The following KIAA1958 variants were observed in gnomAD, a reference collection of about 807,000 sequenced individuals.
The protein encoded by KIAA1958 is uncharacterized protein KIAA1958.
Under a neutral mutation model 47.2 loss-of-function variants are expected in KIAA1958, and 14 were observed. That is an observed-to-expected ratio of 0.30 (90% confidence interval 0.20 to 0.46). The LOEUF (loss-of-function observed/expected upper bound fraction) is 0.46, where lower values mean the gene tolerates loss of function less well. Among genes scored for constraint, KIAA1958 ranks in the 20% least tolerant of loss-of-function variants. KIAA1958 has a pLI of 1.00. For missense variants in KIAA1958, 803 were observed against 909.2 expected, an observed-to-expected ratio of 0.88 and a Z score of 1.50; for synonymous variants, 354 against 353.3, an observed-to-expected ratio of 1.00 and a Z score of -0.02.
chr9:112,574,002 G>A (rs1224851888), intron 1 of KIAA1958, 55 bp from the exon 2 acceptor site: 32 of 910,448 alleles, frequency 3.5e-5, no homozygotes, highest in African/African-American at 1.7e-5. Flanking sequence ...AAGTAATTGA[G>A]CTATAGGATT....
chr9:112,555,737 A>G (rs1030144394), intron 1 of KIAA1958, among the ~76,000 whole-genome samples: 8 of 152,202 alleles, frequency 5.3e-5, no homozygotes, highest in South Asian at 2.1e-4. Flanking sequence ...GCACTAATCT[A>G]TTCATAAGAG....
At chr9:112,516,816 A>G (rs1206714320) in intron 1 of KIAA1958, among the ~76,000 whole-genome samples, 6 of 152,242 alleles carry the variant, frequency 3.9e-5, no homozygotes, top group Admixed American at 3.9e-4. Flanking sequence ...ATGATTTACC[A>G]ATTGGGCAGT....
intron 1 of KIAA1958, among the ~76,000 whole-genome samples, chr9:112,537,170 A>G (rs998517441): frequency 1.3e-4 from 20 of 151,434 alleles, no homozygotes; most frequent in South Asian, 4.2e-4. Context: ...CAGTGGTGCA[A>G]TCTTGGCTCC....
chr9:112,618,528 A>G lies in KIAA1958; in HGVS notation c.1172-27122A>G, dbSNP rs2131217050. ...GACTCCCGTGTGTATGCCACCCAGC[A>G]CGCCCCACAGACCTGCCCTGTCCAG... is the stretch of plus-strand genomic sequence containing the variant. On this transcript the variant is annotated intron_variant, in intron 2 of 3. Transcript: ENST00000337530. This position sits in a 1 kb window ranked among gnomAD's most constrained non-coding sequence, Gnocchi z 7.1. 6.4e-7 allele frequency: 1 copy of G among 1,550,674 alleles called. No homozygotes were observed. The highest frequency in any genetic ancestry group is 2.4e-5 in the East Asian group (1 of 40,918).
At chr9:112,614,190 T>C (rs1836373803) in intron 2 of KIAA1958, among the ~76,000 whole-genome samples, 1 of 152,150 alleles carries the variant, frequency 6.6e-6, no homozygotes, top group Non-Finnish European at 1.5e-5. Context: ...TCCATTCATA[T>C]GTGTTACAAT....
intron 1 of KIAA1958, among the ~76,000 whole-genome samples, chr9:112,498,258 A>G (rs750224390): frequency 6.6e-6 from 1 of 152,182 alleles, no homozygotes; most frequent in African/African-American, 2.4e-5. Flanking sequence ...TTTAGTGAAG[A>G]TGTTCTTTAA....
At chr9:112,548,870 A>T (rs1289430153) in intron 1 of KIAA1958, among the ~76,000 whole-genome samples, 1 of 152,212 alleles carries the variant, frequency 6.6e-6, no homozygotes, top group Non-Finnish European at 1.5e-5. Flanking sequence ...CGGTGTCCTT[A>T]TAAGAAGTAG....
At chr9:112,534,768 T>C (rs1834821987) in intron 1 of KIAA1958, among the ~76,000 whole-genome samples, 1 of 152,136 alleles carries the variant, frequency 6.6e-6, no homozygotes, top group Non-Finnish European at 1.5e-5. Context: ...GGTCTCAAAC[T>C]CCTGACCTCA....
intron 2 of KIAA1958, among the ~76,000 whole-genome samples, chr9:112,579,933 G>A (rs1434541926): frequency 1.3e-5 from 2 of 152,204 alleles, no homozygotes; most frequent in Non-Finnish European, 2.9e-5. Context: ...GGCTCAGACA[G>A]CATCAAGTTT....
chr9:112,554,730 T>C (rs1466459336), intron 1 of KIAA1958, among the ~76,000 whole-genome samples: 1 of 152,160 alleles, frequency 6.6e-6, no homozygotes, highest in Non-Finnish European at 1.5e-5. Context: ...CTGTATTTTC[T>C]AACAAGAATC....
At chr9:112,624,174 C>A (rs1397284881) in intron 2 of KIAA1958, among the ~76,000 whole-genome samples, 1 of 152,112 alleles carries the variant, frequency 6.6e-6, no homozygotes, top group East Asian at 1.9e-4. Flanking sequence ...GTTACAAGTA[C>A]TGAAAGAATT....
At chr9:112,644,780 T>G (rs1259219053) in intron 2 of KIAA1958, among the ~76,000 whole-genome samples, 1 of 152,096 alleles carries the variant, frequency 6.6e-6, no homozygotes, top group Non-Finnish European at 1.5e-5. Context: ...GTTGATGGGT[T>G]GTGGAATCAG....
rs1240016270 is a variant in KIAA1958 at position 112,666,471 on chromosome 9, C to T, written c.*6402C>T. The T allele has an allele frequency of 2.6e-5, 4 of 152,122 alleles. No homozygotes were observed. Among genetic ancestry groups the T allele is most frequent in the Non-Finnish European group, 4.4e-5 (3 of 68,020 alleles). The allele number at this position is 152,122 out of a possible 1,614,324, so 9.4% of individuals were successfully genotyped here. On this transcript the variant is annotated 3_prime_UTR_variant, in exon 4 of 4. Coordinates refer to ENST00000337530, the MANE Select transcript of KIAA1958 (RefSeq NM_133465.4). Reference sequence around the variant, plus strand: ...CTAGAGAGTTAGTCCAGAACTCTCTCCTCCATATCACAGCTGAGAAGATTT... The same window carrying T: ...CTAGAGAGTTAGTCCAGAACTCTCTTCTCCATATCACAGCTGAGAAGATTT...
chr9:112,548,831 T>G (rs994298619), intron 1 of KIAA1958, among the ~76,000 whole-genome samples: 4 of 152,190 alleles, frequency 2.6e-5, no homozygotes, highest in Non-Finnish European at 4.4e-5. Flanking sequence ...TAAAATGAGG[T>G]CTTTAGGCTG....
At chr9:112,610,085 C>T (rs1836298642) in intron 2 of KIAA1958, among the ~76,000 whole-genome samples, 1 of 152,038 alleles carries the variant, frequency 6.6e-6, no homozygotes, top group African/African-American at 2.4e-5. Flanking sequence ...AATGAACCTA[C>T]CTCCTGGAAA....
intron 1 of KIAA1958, among the ~76,000 whole-genome samples, chr9:112,568,899 A>T (rs867988799): frequency 0.025 from 3,705 of 146,966 alleles, 77 homozygotes; most frequent in Middle Eastern, 0.035. Context: ...AAAAAAAAAA[A>T]AAAAAAATAG....
At chr9:112,512,962 T>C (rs935764861) in intron 1 of KIAA1958, among the ~76,000 whole-genome samples, 6 of 150,332 alleles carry the variant, frequency 4.0e-5, no homozygotes, top group African/African-American at 1.5e-4. Context: ...CTCAGCCTCC[T>C]GAGTAGCTGG....
At chr9:112,494,278 A>G (rs1049416004) in intron 1 of KIAA1958, among the ~76,000 whole-genome samples, 6 of 151,944 alleles carry the variant, frequency 3.9e-5, no homozygotes, top group African/African-American at 1.2e-4. Context: ...GTGTTTTTTC[A>G]TATTTTCATC....
chr9:112,514,575 T>TG (rs1192107818), intron 1 of KIAA1958, among the ~76,000 whole-genome samples: 6 of 3,164 alleles, frequency 1.9e-3, no homozygotes, highest in East Asian at 4.7e-3. Context: ...GGGAGGGAGA[T>TG]GGGGGGGGGT....
Sources: allele counts gnomAD v4.1 joint callset (sites outside exome capture counted in the v4.1 genomes callset), GRCh38; gene constraint gnomAD v4.1.1; non-coding constraint Gnocchi (gnomAD v3.1); transcripts MANE v1.5; gene names NCBI Gene and HGNC (gene_info 2026-07-23, HGNC 2026-07-21).